The following TTC3 variants were observed in gnomAD, a reference collection of about 807,000 sequenced individuals.
TTC3 encodes tetratricopeptide repeat domain 3, also known as E3 ubiquitin-protein ligase TTC3.
In TTC3, 180 loss-of-function variants were observed where a neutral mutation model predicts 249.6. The observed-to-expected ratio is 0.72, with a 90% CI of 0.64 to 0.82. The LOEUF (loss-of-function observed/expected upper bound fraction) is 0.82, where lower values mean the gene tolerates loss of function less well. Ranked by LOEUF, TTC3 falls within the 40% of genes least tolerant of loss-of-function variation. TTC3 has a pLI of 0.00. For missense variants in TTC3, 2,061 were observed against 2,398.4 expected (o/e 0.86, Z 2.94); for synonymous variants, 717 against 805.0 (o/e 0.89, Z 1.85).
In TTC3 at chr21:37,090,295, T is replaced by G. The variant is rs768196169; in HGVS notation, c.480+9T>G. On this transcript the variant is annotated intron_variant, in intron 6 of 45. Coordinates refer to ENST00000355666, the Ensembl canonical transcript of TTC3. ...GTTGTAAAATAGAAAATGTAAGTGT[T>G]AAACACTGAAACTGGCACAGCCACT... The G allele has an allele frequency of 1.2e-6, 2 of 1,603,248 alleles. No homozygotes were observed. The highest frequency in any genetic ancestry group is 1.7e-6 in the Non-Finnish European group (2 of 1,173,714).
intron 16 of TTC3, among the ~76,000 whole-genome samples, chr21:37,131,830 A>G (rs956663327): frequency 6.6e-6 from 1 of 152,212 alleles, no homozygotes; most frequent in Non-Finnish European, 1.5e-5. Context: ...GAGAAAATCT[A>G]CACATTGGAT....
intron 12 of TTC3, among the ~76,000 whole-genome samples, chr21:37,122,430 ATATATAT>A (rs1206347877): frequency 3.8e-5 from 1 of 26,594 alleles, no homozygotes; most frequent in African/African-American, 1.1e-4. Context: ...ATATATATAT[ATATATAT>A]TATATATATA....
chr21:37,100,157 C>T (rs962148201), intron 10 of TTC3, among the ~76,000 whole-genome samples: 1 of 151,976 alleles, frequency 6.6e-6, no homozygotes, highest in African/African-American at 2.4e-5. Flanking sequence ...AGGGGTGGTA[C>T]ACGGTGGGTG....
intron 32 of TTC3, 124 bp downstream of exon 32, chr21:37,164,339 G>GT: frequency 1.1e-6 from 1 of 945,884 alleles, no homozygotes; most frequent in Non-Finnish European, 1.5e-6. Flanking sequence ...GTTAATTTAG[G>GT]ATTTTTTTTT....
intron 1 of TTC3, among the ~76,000 whole-genome samples, chr21:37,079,472 T>A (rs2071320158): frequency 6.6e-6 from 1 of 151,564 alleles, no homozygotes; most frequent in Non-Finnish European, 1.5e-5. Context: ...TTAGTCAGTT[T>A]TGGTAAGTTT....
chr21:37,169,954 A>G (rs781506608), intron 34 of TTC3, among the ~76,000 whole-genome samples: 16 of 152,168 alleles, frequency 1.1e-4, no homozygotes, highest in Middle Eastern at 3.2e-3. Context: ...GAAAAAATCA[A>G]TCTTGGTCCC....
chr21:37,167,055 C>T (rs2156077), intron 33 of TTC3, among the ~76,000 whole-genome samples: 80,914 of 151,820 alleles, frequency 0.53, 22,166 homozygotes, highest in African/African-American at 0.64. Context: ...TAGGACTTAG[C>T]GCATGAAGGA....
chr21:37,190,586 G>A (rs2083962030), intron 39 of TTC3, among the ~76,000 whole-genome samples: 1 of 152,174 alleles, frequency 6.6e-6, no homozygotes, highest in Admixed American at 6.5e-5. Context: ...AGGCTGCATT[G>A]TGGCTCATCT....
At position 37,190,587 on chromosome 21, in the gene TTC3, T is replaced by C. The variant is rs556088917; in HGVS notation, c.5025-747T>C. On this transcript the variant is annotated intron_variant, in intron 39 of 45. Coordinates refer to ENST00000355666, the Ensembl canonical transcript of TTC3. ...TAAGCACCCACCATAGGCTGCATTGTGGCTCATCTGGGAAACAAAGATAAT... is the reference window on the plus strand; with the variant it reads ...TAAGCACCCACCATAGGCTGCATTGCGGCTCATCTGGGAAACAAAGATAAT... Among the ~76,000 whole-genome samples, 224 of 152,326 alleles carry C rather than the reference T, an allele frequency of 1.5e-3. 2 individuals are homozygous for C. The highest frequency in any genetic ancestry group is 4.9e-3 in the African/African-American group (205 of 41,576).
chr21:37,139,057 GTAC>G (rs1383656229), intron 19 of TTC3, among the ~76,000 whole-genome samples: 3 of 152,064 alleles, frequency 2.0e-5, no homozygotes, highest in Non-Finnish European at 4.4e-5. Flanking sequence ...ATACATAACA[GTAC>G]TATATACTGT....
intron 10 of TTC3, among the ~76,000 whole-genome samples, chr21:37,102,768 G>A (rs753400764): frequency 2.6e-5 from 4 of 152,112 alleles, no homozygotes; most frequent in East Asian, 3.9e-4. Flanking sequence ...AGGCTGAGGC[G>A]GATGGATCAC....
At chr21:37,090,468 T>TC (rs1491276058) in intron 6 of TTC3, 182 bp downstream of exon 6, 38 of 101,160 alleles carry the variant, frequency 3.8e-4, no homozygotes, top group East Asian at 8.6e-4. Context: ...ATTTTCTCTC[T>TC]TTTTTTTTTT....
intron 1 of TTC3, chr21:37,082,471 G>T: frequency 1.0e-6 from 1 of 985,238 alleles, no homozygotes; most frequent in Non-Finnish European, 1.2e-6. Flanking sequence ...CTTTCTGAAA[G>T]CATTTCTATC....
chr21:37,147,875 T>A (rs1157783646), intron 22 of TTC3, among the ~76,000 whole-genome samples: 1 of 152,074 alleles, frequency 6.6e-6, no homozygotes, highest in Non-Finnish European at 1.5e-5. Context: ...ATTACAGGCG[T>A]GTCCCAGCAC....
At chr21:37,197,832 C>G (rs910745660) in intron 43 of TTC3, 50 bp from the exon 44 acceptor site, 7 of 1,579,186 alleles carry the variant, frequency 4.4e-6, no homozygotes, top group Non-Finnish European at 6.0e-6. Context: ...TGTTGGATAA[C>G]TGGTTGCTTC....
intron 35 of TTC3, among the ~76,000 whole-genome samples, 154 bp from the exon 36 acceptor site, chr21:37,182,620 G>A (rs561150227): frequency 9.2e-5 from 14 of 152,330 alleles, no homozygotes; most frequent in African/African-American, 3.4e-4. Context: ...TGGCTGGGGG[G>A]CATAGTCTGC....
At chr21:37,191,354 A>G in exon 40 of TTC3, 10 of 1,586,696 alleles carry the variant, frequency 6.3e-6, no homozygotes, top group Non-Finnish European at 8.5e-6. Flanking sequence ...GCATATCCTG[A>G]CATGGAGTCT....
intron 34 of TTC3, among the ~76,000 whole-genome samples, chr21:37,170,403 G>A (rs2081653317): frequency 6.6e-6 from 1 of 152,114 alleles, no homozygotes; most frequent in Non-Finnish European, 1.5e-5. Flanking sequence ...AATAGGAAAA[G>A]CAATCATTCA....
intron 28 of TTC3, chr21:37,159,414 G>A: frequency 3.1e-6 from 1 of 321,172 alleles, no homozygotes; most frequent in South Asian, 6.3e-5. Flanking sequence ...ATCAATGGTA[G>A]GGACTGTCTT....
Sources: allele counts gnomAD v4.1 joint callset (sites outside exome capture counted in the v4.1 genomes callset), GRCh38; gene constraint gnomAD v4.1.1; transcripts MANE v1.5; gene names NCBI Gene and HGNC (gene_info 2026-07-23, HGNC 2026-07-21).